Variants in CTBP2 observed in about 807,000 individuals in gnomAD.
The protein encoded by CTBP2 is C-terminal binding protein 2, also known as C-terminal-binding protein 2.
CTBP2 carries 30 observed loss-of-function variants against 80.3 expected under a neutral mutation model. The observed-to-expected ratio is 0.37, with a 90% CI of 0.28 to 0.51. The LOEUF (loss-of-function observed/expected upper bound fraction) is 0.51, where lower values mean the gene tolerates loss of function less well. Ranked by LOEUF, CTBP2 falls within the 20% of genes least tolerant of loss-of-function variation. CTBP2 has a pLI of 0.93. For synonymous variants in CTBP2, 594 were observed against 587.4 expected, an observed-to-expected ratio of 1.01 and a Z score of -0.16; for missense variants, 1,212 against 1,375.3, an observed-to-expected ratio of 0.88 and a Z score of 1.88.
intron 2 of CTBP2, among the ~76,000 whole-genome samples, chr10:125,071,821 G>C (rs893656033): frequency 6.6e-6 from 1 of 152,086 alleles, no homozygotes; most frequent in Non-Finnish European, 1.5e-5. Flanking sequence ...TCCCAAAGCA[G>C]ACCCTGCACC....
intron 2 of CTBP2, among the ~76,000 whole-genome samples, chr10:125,095,858 C>T (rs1170380861): frequency 6.6e-6 from 1 of 152,158 alleles, no homozygotes; most frequent in East Asian, 1.9e-4. Flanking sequence ...CTAAAGATGA[C>T]CCCACTCAGG....
chr10:125,061,244 G>C lies in CTBP2; in HGVS notation c.-101-22089C>G, dbSNP rs138525579. Among the ~76,000 whole-genome samples the C allele has an allele frequency of 2.9e-3, 437 of 152,328 alleles. 1 individual carries two copies. The highest frequency in any genetic ancestry group is 9.6e-3 in the African/African-American group (400 of 41,570). ...TTTTCGTCTGCAAGGACAGCCAAGC[G>C]CTGTAAAAATACTTCCCGATAGGAC... On this transcript the variant is annotated intron_variant, in intron 2 of 10. Transcript: ENST00000337195.
At chr10:125,032,169 T>C (rs896457069), upstream of CTBP2, among the ~76,000 whole-genome samples, 2 of 152,124 alleles carry the variant, frequency 1.3e-5, no homozygotes, top group African/African-American at 4.8e-5. Context: ...TTGGACCATG[T>C]CAGGATTCCC....
At chr10:125,087,324 C>T (rs1848141431) in intron 2 of CTBP2, among the ~76,000 whole-genome samples, 1 of 152,052 alleles carries the variant, frequency 6.6e-6, no homozygotes, top group African/African-American at 2.4e-5. Context: ...CGCCCACCTC[C>T]AGCTCCCAAA....
Position 125,141,127 on chromosome 10 carries a change from A to T in CTBP2, c.-206+19192T>A, listed in dbSNP as rs1363098716. Among the ~76,000 whole-genome samples, 2 of 151,328 alleles carry T rather than the reference A, an allele frequency of 1.3e-5. 1 individual carries two copies. Among genetic ancestry groups the T allele is most frequent in the Non-Finnish European group, 2.9e-5 (2 of 67,904 alleles). ...CACTGCACTCCAGCCTGGGTAACAGAGTGAGACTCTGTCAAAAAAAAAAAA... is the reference window on the plus strand; with the variant it reads ...CACTGCACTCCAGCCTGGGTAACAGTGTGAGACTCTGTCAAAAAAAAAAAA... On this transcript the variant is annotated intron_variant, in intron 1 of 10. Transcript: ENST00000337195.
At chr10:125,121,573 C>T (rs192250504) in intron 1 of CTBP2, among the ~76,000 whole-genome samples, 146 of 152,266 alleles carry the variant, frequency 9.6e-4, no homozygotes, top group African/African-American at 3.3e-3. Context: ...CTATGTATAT[C>T]ACAGAAAATA....
intron 2 of CTBP2, among the ~76,000 whole-genome samples, chr10:125,045,221 G>A (rs1032343670): frequency 1.4e-4 from 21 of 152,136 alleles, no homozygotes; most frequent in African/African-American, 4.8e-4. Flanking sequence ...CAGCAAGCAG[G>A]CCCTCCCAGA....
intron 2 of CTBP2, among the ~76,000 whole-genome samples, chr10:125,071,629 G>A (rs1258438786): frequency 2.0e-5 from 3 of 152,192 alleles, no homozygotes; most frequent in Admixed American, 2.0e-4. Context: ...GAATGGACCA[G>A]TCCGCCAGGT....
Position 124,985,055 on chromosome 10 carries a change from G to A in CTBP2, c.*4463C>T. On this transcript the variant is annotated 3_prime_UTR_variant, in exon 9 of 9. Coordinates refer to ENST00000309035, the MANE Select transcript of CTBP2 (RefSeq NM_022802.3). ...TCTGTAATGACCCTAAAGTTAGTGTGGTGCTCCAAGCAGAGTCGACATCAT... is the reference window on the plus strand; with the variant it reads ...TCTGTAATGACCCTAAAGTTAGTGTAGTGCTCCAAGCAGAGTCGACATCAT... 1 of 1,318,072 alleles carries A rather than the reference G, an allele frequency of 7.6e-7. No individual in the cohort carries two copies. The highest frequency in any genetic ancestry group is 2.5e-5 in the East Asian group (1 of 39,940). The allele number at this position is 1,318,072 out of a possible 1,614,324, so 81.6% of individuals were successfully genotyped here.
At chr10:125,161,908 A>T (rs1861922935), upstream of CTBP2, among the ~76,000 whole-genome samples, 1 of 152,056 alleles carries the variant, frequency 6.6e-6, no homozygotes, top group South Asian at 2.1e-4. Flanking sequence ...GAGTCTGCAC[A>T]GCGAGCCTGG....
At chr10:125,114,223 G>A (rs542836052) in intron 1 of CTBP2, among the ~76,000 whole-genome samples, 7 of 152,256 alleles carry the variant, frequency 4.6e-5, no homozygotes, top group South Asian at 2.1e-4. Context: ...TGTAACTGCC[G>A]GTCAGCATGC....
chr10:125,041,838 G>A (rs185292840), intron 2 of CTBP2, among the ~76,000 whole-genome samples: 1 of 152,024 alleles, frequency 6.6e-6, no homozygotes, highest in Admixed American at 6.5e-5. Context: ...TAATTAGATG[G>A]CTTCCTGAAA....
chr10:125,099,123 A>G (rs1014865527), intron 2 of CTBP2, among the ~76,000 whole-genome samples: 2 of 152,206 alleles, frequency 1.3e-5, no homozygotes, highest in African/African-American at 4.8e-5. Flanking sequence ...ACCAACATCT[A>G]AACTATTTTA....
At chr10:125,135,494 G>A (rs1856843906) in intron 1 of CTBP2, among the ~76,000 whole-genome samples, 1 of 152,072 alleles carries the variant, frequency 6.6e-6, no homozygotes, top group African/African-American at 2.4e-5. Context: ...GCCTCAAGAG[G>A]TCCATAGTCT....
chr10:125,004,260 G>A (rs1954934665), intron 1 of CTBP2, among the ~76,000 whole-genome samples: 1 of 152,196 alleles, frequency 6.6e-6, no homozygotes, highest in Non-Finnish European at 1.5e-5. Flanking sequence ...ACGTTCAGCA[G>A]GGTGGTGGAA....
At chr10:125,059,895 T>C (rs1201316538) in intron 2 of CTBP2, among the ~76,000 whole-genome samples, 1 of 152,092 alleles carries the variant, frequency 6.6e-6, no homozygotes, top group Non-Finnish European at 1.5e-5. Flanking sequence ...GCTTTGCTGA[T>C]CTTTTGTGGG....
At chr10:125,058,676 C>T (rs1472685434) in intron 2 of CTBP2, among the ~76,000 whole-genome samples, 1 of 152,096 alleles carries the variant, frequency 6.6e-6, no homozygotes, top group Non-Finnish European at 1.5e-5. Flanking sequence ...GGGCAGATCA[C>T]CTGAGGCCGG....
At chr10:124,996,643 C>G (rs1230784147) in intron 4 of CTBP2, 1 of 152,224 alleles carries the variant, frequency 6.6e-6, no homozygotes, top group East Asian at 1.9e-4. Context: ...GAGTCAGAAG[C>G]CCCTGAAACA....
At chr10:125,118,825 AAC>A (rs1355894559) in intron 1 of CTBP2, among the ~76,000 whole-genome samples, 2 of 152,172 alleles carry the variant, frequency 1.3e-5, no homozygotes, top group Non-Finnish European at 1.5e-5. Context: ...ACAAGTAGAA[AAC>A]ACATCCCAAC....
Sources: allele counts gnomAD v4.1 joint callset (sites outside exome capture counted in the v4.1 genomes callset), GRCh38; gene constraint gnomAD v4.1.1; transcripts MANE v1.5; gene names NCBI Gene and HGNC (gene_info 2026-07-23, HGNC 2026-07-21).